BCORL1: variants seen among roughly 807,000 people sequenced by gnomAD.
BCORL1 encodes the protein BCL-6 corepressor-like protein 1.
In BCORL1, 7 loss-of-function variants were observed where a neutral mutation model predicts 87.6. That is an observed-to-expected ratio of 0.08 (90% CI 0.05 to 0.15). BCORL1 has a LOEUF of 0.15. Among genes scored for constraint, BCORL1 ranks in the 10% least tolerant of loss-of-function variants. BCORL1 has a pLI of 1.00. For synonymous variants in BCORL1, 591 were observed against 634.4 expected, an observed-to-expected ratio of 0.93 and a Z score of 1.03; for missense variants, 1,215 against 1,499.7, an observed-to-expected ratio of 0.81 and a Z score of 3.13.
intron 4 of BCORL1, among the ~76,000 whole-genome samples, chrX:130,017,336 G>C (rs1388506117): frequency 9.0e-6 from 1 of 110,723 alleles, no homozygotes; most frequent in Non-Finnish European, 1.9e-5. Flanking sequence ...GTAGGAACGT[G>C]GGTCATGACG....
intron 10 of BCORL1, among the ~76,000 whole-genome samples, chrX:130,038,498 T>G (rs1931096014): frequency 9.2e-6 from 1 of 108,930 alleles, no homozygotes; most frequent in African/African-American, 3.3e-5. Flanking sequence ...TTTTTTTTTT[T>G]TGAGATGGAG....
intron 10 of BCORL1, among the ~76,000 whole-genome samples, chrX:130,038,670 T>C (rs989951407): frequency 2.1e-4 from 23 of 111,215 alleles, no homozygotes; most frequent in Admixed American, 1.3e-3. Context: ...TTAGTAGAGA[T>C]GGGGCTTCAC....
At chrX:130,003,848 A>G (rs903258892) in intron 1 of BCORL1, among the ~76,000 whole-genome samples, 2 of 112,082 alleles carry the variant, frequency 1.8e-5, no homozygotes, top group African/African-American at 3.2e-5. Flanking sequence ...GTGCTGGCTC[A>G]TAGTAGGAAT....
chrX:130,014,130 C>T lies in BCORL1; in HGVS notation c.1358C>T (p.Pro453Leu), dbSNP rs1929215888. Residue 453 changes from proline to leucine, a missense_variant, in exon 4 of 14, where the codon CCG (proline) becomes CTG (leucine). By Grantham distance (98) the Pro-to-Leu change is moderately conservative (BLOSUM62 -3). Coordinates refer to ENST00000540052, the MANE Select transcript of BCORL1 (RefSeq NM_001379451.1). ...CCGAGCCAGCCGCTGGTATATATCC[C>T]GCCTCCAAGCTGTGGGCAGCCACTC... ...LTPSQPLVYI[P>L]PPSCGQPLSV... 5 of 1,208,858 alleles carry T rather than the reference C, an allele frequency of 4.1e-6. No individual in the cohort carries two copies. Among genetic ancestry groups the T allele is most frequent in the Admixed American group, 2.2e-5 (1 of 45,685 alleles).
chrX:130,017,950 G>A (rs765659474), intron 4 of BCORL1, among the ~76,000 whole-genome samples: 4 of 111,846 alleles, frequency 3.6e-5, no homozygotes, highest in Non-Finnish European at 5.6e-5. Context: ...TCTACTCTCC[G>A]CCCATGGAAC....
At chrX:130,044,582 T>C (rs750376199) in intron 11 of BCORL1, among the ~76,000 whole-genome samples, 1 of 110,122 alleles carries the variant, frequency 9.1e-6, no homozygotes, top group Non-Finnish European at 1.9e-5. Flanking sequence ...CGATCTTGGC[T>C]CACTGCAACT....
At chrX:129,995,263 C>T (rs1927479961) in intron 1 of BCORL1, among the ~76,000 whole-genome samples, 1 of 110,603 alleles carries the variant, frequency 9.0e-6, no homozygotes, top group South Asian at 3.8e-4. Flanking sequence ...ACCTTGGCCT[C>T]CCAAAGTGCT....
At chrX:130,010,385 T>G (rs1352437565) in intron 2 of BCORL1, 1 of 110,755 alleles carries the variant, frequency 9.0e-6, no homozygotes, top group Non-Finnish European at 1.9e-5. Flanking sequence ...CTCTTAGGAG[T>G]TGATGTGAAA....
At chrX:130,006,938 A>G (rs767707914) in intron 2 of BCORL1, among the ~76,000 whole-genome samples, 1 of 112,048 alleles carries the variant, frequency 8.9e-6, no homozygotes, top group Admixed American at 9.5e-5. Flanking sequence ...GTTTCAATCC[A>G]TTGACTGTTT....
chrX:129,985,287 T>C (rs1479613993), intron 1 of BCORL1, among the ~76,000 whole-genome samples: 1 of 111,957 alleles, frequency 8.9e-6, no homozygotes, highest in Non-Finnish European at 1.9e-5. Context: ...GTTATTTACT[T>C]TTCTGTTGAT....
At chrX:130,025,515 A>G (rs1481116868) in intron 7 of BCORL1, 136 bp downstream of exon 7, 1 of 559,685 alleles carries the variant, frequency 1.8e-6, no homozygotes, top group East Asian at 3.7e-5. Context: ...AGAGGGGGTC[A>G]CTCAACTCCA....
chrX:129,989,067 C>G (rs956718607), intron 1 of BCORL1, among the ~76,000 whole-genome samples: 1 of 111,260 alleles, frequency 9.0e-6, no homozygotes, highest in African/African-American at 3.3e-5. Flanking sequence ...CTTTGGAGAC[C>G]GACAACCTCA....
At chrX:130,010,624 G>A (rs1603101741) in intron 2 of BCORL1, 1 of 110,912 alleles carries the variant, frequency 9.0e-6, no homozygotes, top group Non-Finnish European at 1.9e-5. Flanking sequence ...GGAGAGGCCC[G>A]TGGTGATCCC....
intron 11 of BCORL1, among the ~76,000 whole-genome samples, chrX:130,046,994 C>G (rs781409991): frequency 8.4e-5 from 9 of 107,561 alleles, no homozygotes; most frequent in Non-Finnish European, 1.2e-4. Context: ...TCAATGGAAT[C>G]ATACAGCATG....
rs192929833 is a variant in BCORL1 at position 130,051,940 on chromosome X, G to C, written c.4999G>C (p.Glu1667Gln). 8.3e-7 allele frequency: 1 copy of C among 1,207,951 alleles called. No homozygotes were observed. The highest frequency in any genetic ancestry group is 3.0e-5 in the East Asian group (1 of 33,721). The change falls in exon 13 of 14, where the codon GAG (glutamate) becomes CAG (glutamine). Residue 1667 changes from glutamate (E) to glutamine (Q), a missense_variant. Around this residue, in one of 5 missense-constraint regions of BCORL1, gnomAD observed 129 missense variants for 157.5 expected, o/e 0.82. Transcript: ENST00000540052. ...TCAAGAAGGAGACGATCCGATGGAG[G>C]AGGATGATTTCATGTTTGAACTCTC... ...SDQEGDDPME[E>Q]DDFMFELSDK...
chrX:129,995,463 C>T (rs1421236521), intron 1 of BCORL1, among the ~76,000 whole-genome samples: 2 of 111,208 alleles, frequency 1.8e-5, no homozygotes, highest in Admixed American at 9.6e-5. Flanking sequence ...TTTTTTGACA[C>T]GGAGTCTAGC....
At chrX:130,041,469 G>A (rs948707157) in intron 11 of BCORL1, among the ~76,000 whole-genome samples, 12 of 111,210 alleles carry the variant, frequency 1.1e-4, no homozygotes, top group African/African-American at 3.9e-4. Context: ...GAGTAGCTGG[G>A]ATTACAGGCA....
rs893223936 is a variant in BCORL1, at chrX:130,005,429, C to G, written c.86+112C>G. On this transcript the variant is annotated intron_variant, in intron 2 of 13. Coordinates refer to ENST00000540052, the MANE Select transcript of BCORL1 (RefSeq NM_001379451.1). The stretch of plus-strand genomic sequence containing the variant: ...GGGAGGGACCCTGGGGAGGAGAAGA[C>G]TCTTAGTTGTTTCTAATTTTCCTGT... The G allele has an allele frequency of 7.5e-6, 5 of 666,896 alleles. No homozygotes were observed. In the African/African-American group the frequency reaches 8.7e-5, roughly 12 times the overall value. The allele number at this position is 666,896 out of a possible 1,213,427, so 55.0% of individuals were successfully genotyped here. A position where few individuals can be genotyped will look rare whatever the true frequency, so the allele number is the denominator to read the frequency against.
At chrX:130,037,728 T>G (rs1314811958) in intron 10 of BCORL1, among the ~76,000 whole-genome samples, 195 bp downstream of exon 10, 2 of 110,855 alleles carry the variant, frequency 1.8e-5, no homozygotes, top group Non-Finnish European at 3.8e-5. Flanking sequence ...CCATCTTTAC[T>G]AAAAATACAA....
Sources: allele counts gnomAD v4.1 joint callset (sites outside exome capture counted in the v4.1 genomes callset), GRCh38; gene constraint gnomAD v4.1.1; regional missense constraint gnomAD v4.1.1; transcripts MANE v1.5; gene names NCBI Gene and HGNC (gene_info 2026-07-23, HGNC 2026-07-21).